Variants in CACNA1C observed in about 807,000 individuals in gnomAD.
CACNA1C encodes voltage-dependent L-type calcium channel subunit alpha-1C.
A neutral mutation model predicts 229.0 loss-of-function variants in CACNA1C; 30 were observed. The ratio of observed to expected loss-of-function variants is 0.13; its 90% CI spans 0.10 to 0.18. CACNA1C has a LOEUF of 0.18. CACNA1C is among the 10% of genes least tolerant of loss of function. The pLI, the probability that CACNA1C is intolerant of heterozygous loss-of-function variation, is 1.00. For missense variants in CACNA1C, 1,658 were observed against 2,845.0 expected, an observed-to-expected ratio of 0.58 and a Z score of 9.49; for synonymous variants, 1,114 against 1,132.5, an observed-to-expected ratio of 0.98 and a Z score of 0.33.
At chr12:2,298,863 C>T (rs1263510794) in intron 3 of CACNA1C, among the ~76,000 whole-genome samples, 1 of 152,182 alleles carries the variant, frequency 6.6e-6, no homozygotes, top group African/African-American at 2.4e-5. Context: ...CTGTGCCTGG[C>T]CACTCCAATC....
At chr12:2,199,155 A>G (rs980795472) in intron 3 of CACNA1C, among the ~76,000 whole-genome samples, 1 of 152,038 alleles carries the variant, frequency 6.6e-6, no homozygotes, top group African/African-American at 2.4e-5. Flanking sequence ...CCCAGCCACG[A>G]ATTATACTTC....
chr12:2,361,360 C>G (rs1214138633), intron 3 of CACNA1C, among the ~76,000 whole-genome samples: 1 of 152,178 alleles, frequency 6.6e-6, no homozygotes, highest in Non-Finnish European at 1.5e-5. Flanking sequence ...AATAGACTTT[C>G]CAGTGTCCTG....
chr12:2,634,406 C>G, intron 30 of CACNA1C, 26 bp downstream of exon 30: 1 of 1,284,372 alleles, frequency 7.8e-7, no homozygotes, highest in Non-Finnish European at 1.1e-6. Context: ...CTGTCCCTAA[C>G]CGTCCGTGCC....
intron 22 of CACNA1C, among the ~76,000 whole-genome samples, chr12:2,604,742 G>A (rs1373918708): frequency 6.6e-6 from 1 of 152,192 alleles, no homozygotes; most frequent in Non-Finnish European, 1.5e-5. Context: ...GCCTGCACTG[G>A]GGTCTGAATT....
intron 3 of CACNA1C, among the ~76,000 whole-genome samples, chr12:2,209,210 A>G (rs1042977376): frequency 6.6e-6 from 1 of 152,254 alleles, no homozygotes; most frequent in Non-Finnish European, 1.5e-5. Context: ...GTATGTGATT[A>G]TAAGAATTTG....
chr12:2,086,001 A>T (rs991649583), intron 1 of CACNA1C, among the ~76,000 whole-genome samples: 1 of 152,050 alleles, frequency 6.6e-6, no homozygotes, highest in African/African-American at 2.4e-5. Context: ...CTTCTTTAGG[A>T]TTCAGATCAA....
chr12:2,634,453 C>A, intron 30 of CACNA1C, 73 bp downstream of exon 30: 2 of 629,226 alleles, frequency 3.2e-6, no homozygotes, highest in Non-Finnish European at 5.1e-6. Flanking sequence ...CGGTTTGTTT[C>A]CTTCATTTTA....
intron 3 of CACNA1C, among the ~76,000 whole-genome samples, chr12:2,205,954 A>G (rs2154330395): frequency 1.3e-5 from 2 of 152,296 alleles, no homozygotes; most frequent in South Asian, 4.1e-4. Context: ...GCTCTGCCCC[A>G]TGACCTAATT....
intron 5 of CACNA1C, among the ~76,000 whole-genome samples, chr12:2,478,993 A>T (rs2099648221): frequency 6.6e-6 from 1 of 152,282 alleles, no homozygotes. Flanking sequence ...AGACTCTCCG[A>T]TAGTATTTTC....
At chr12:2,423,076 C>T (rs2098994516) in intron 3 of CACNA1C, among the ~76,000 whole-genome samples, 1 of 152,174 alleles carries the variant, frequency 6.6e-6, no homozygotes, top group Non-Finnish European at 1.5e-5. Context: ...ATTTCCCACT[C>T]CCTCCATCTA....
intron 3 of CACNA1C, among the ~76,000 whole-genome samples, chr12:2,355,480 G>C (rs1372422412): frequency 6.6e-6 from 1 of 152,132 alleles, no homozygotes; most frequent in Admixed American, 6.5e-5. Flanking sequence ...CAAGTCCCTT[G>C]ACACTGGGTC....
intron 3 of CACNA1C, among the ~76,000 whole-genome samples, chr12:2,303,435 G>A (rs1016745557): frequency 6.6e-6 from 1 of 151,930 alleles, no homozygotes; most frequent in Non-Finnish European, 1.5e-5. Context: ...GATAGGATCC[G>A]CCCTCATGCC....
At chr12:2,596,151 G>A (rs1163750654) in intron 20 of CACNA1C, 148 bp downstream of exon 20, 1 of 776,878 alleles carries the variant, frequency 1.3e-6, no homozygotes, top group Non-Finnish European at 1.9e-6. Context: ...AGAGAGTAGG[G>A]CTTTGATAGA....
At chr12:2,562,550 A>G (rs953497972) in intron 11 of CACNA1C, among the ~76,000 whole-genome samples, 2 of 152,234 alleles carry the variant, frequency 1.3e-5, no homozygotes, top group African/African-American at 4.8e-5. Context: ...GCCCTGCAAG[A>G]TAAGACTGTT....
At chr12:2,527,019 G>A (rs1469915380) in intron 9 of CACNA1C, among the ~76,000 whole-genome samples, 4 of 152,286 alleles carry the variant, frequency 2.6e-5, no homozygotes, top group African/African-American at 7.2e-5. Context: ...TATCCTTTCT[G>A]AATATATATA....
chr12:2,629,567 G>A (rs1246503441), intron 29 of CACNA1C, among the ~76,000 whole-genome samples: 3 of 152,148 alleles, frequency 2.0e-5, no homozygotes, highest in African/African-American at 4.8e-5. Context: ...CATGTTCTAG[G>A]TGTGGAAACA....
At chr12:2,615,685 G>A (rs1292865613) in intron 29 of CACNA1C, among the ~76,000 whole-genome samples, 1 of 152,182 alleles carries the variant, frequency 6.6e-6, no homozygotes, top group Non-Finnish European at 1.5e-5. Flanking sequence ...CACCAAGGAG[G>A]GAATGCACAG....
intron 1 of CACNA1C, among the ~76,000 whole-genome samples, chr12:2,044,707 A>G (rs1448671425): frequency 6.6e-6 from 1 of 152,218 alleles, no homozygotes; most frequent in East Asian, 1.9e-4. Flanking sequence ...ACAAGAGTGC[A>G]TCATCTTTAA....
chr12:2,138,823 C>T (rs1179396509), intron 3 of CACNA1C, among the ~76,000 whole-genome samples: 2 of 150,950 alleles, frequency 1.3e-5, no homozygotes, highest in Non-Finnish European at 3.0e-5. Flanking sequence ...AACCCTGCCT[C>T]AGGTATTCCT....
Sources: allele counts gnomAD v4.1 joint callset (sites outside exome capture counted in the v4.1 genomes callset), GRCh38; gene constraint gnomAD v4.1.1; transcripts MANE v1.5; gene names NCBI Gene and HGNC (gene_info 2026-07-23, HGNC 2026-07-21).